The following SAXO1 variants were observed in gnomAD, a reference collection of about 807,000 sequenced individuals.
SAXO1 encodes 4930500O09Rik.
A neutral mutation model predicts 17.5 loss-of-function variants in SAXO1; 21 were observed. The observed-to-expected ratio is 1.20, with a 90% CI of 0.85 to 1.72. SAXO1 has a LOEUF of 1.72. Ranked by LOEUF, SAXO1 falls within the 40% of genes most tolerant of loss-of-function variation. The pLI, the probability that SAXO1 is intolerant of heterozygous loss-of-function variation, is 0.00. For synonymous variants in SAXO1, 274 were observed against 216.5 expected (o/e 1.27, Z -2.33); for missense variants, 843 against 596.0 (o/e 1.41, Z -4.32).
chr9:18,930,842 C>G (rs1309108531), intron 3 of SAXO1, among the ~76,000 whole-genome samples: 1 of 152,148 alleles, frequency 6.6e-6, no homozygotes, highest in Non-Finnish European at 1.5e-5. Flanking sequence ...CATCCAAGAC[C>G]TAGGTTGCCC....
At chr9:18,935,562 G>A (rs1254066457) in intron 3 of SAXO1, among the ~76,000 whole-genome samples, 1 of 152,190 alleles carries the variant, frequency 6.6e-6, no homozygotes, top group East Asian at 1.9e-4. Context: ...GTTGATAGAT[G>A]GGTTTCTTTC....
At chr9:18,930,665 A>G (rs1161572133) in intron 3 of SAXO1, among the ~76,000 whole-genome samples, 1 of 152,018 alleles carries the variant, frequency 6.6e-6, no homozygotes, top group African/African-American at 2.4e-5. Flanking sequence ...GCACCCGGCT[A>G]ATTTTGTATT....
chr9:18,993,835 A>C (rs1256704655), intron 1 of SAXO1, among the ~76,000 whole-genome samples: 1 of 152,196 alleles, frequency 6.6e-6, no homozygotes, highest in Admixed American at 6.5e-5. Context: ...CCAATTTACA[A>C]GAGAAGCAGC....
chr9:18,972,090 G>A (rs1167999363), intron 1 of SAXO1, among the ~76,000 whole-genome samples: 2 of 152,214 alleles, frequency 1.3e-5, no homozygotes, highest in African/African-American at 4.8e-5. Flanking sequence ...CTGGAAGAAT[G>A]CAGAGGATTT....
At chr9:18,986,867 T>A (rs930424603) in intron 1 of SAXO1, among the ~76,000 whole-genome samples, 2 of 152,198 alleles carry the variant, frequency 1.3e-5, no homozygotes, top group African/African-American at 4.8e-5. Context: ...GGGCATTGTT[T>A]TAATAAAATC....
chr9:18,963,095 G>T (rs1363683856), intron 1 of SAXO1, among the ~76,000 whole-genome samples: 1 of 152,176 alleles, frequency 6.6e-6, no homozygotes, highest in Non-Finnish European at 1.5e-5. Flanking sequence ...ATTTATCAAA[G>T]ATCAGATGGT....
chr9:18,975,100 G>C (rs1833086018), intron 1 of SAXO1, among the ~76,000 whole-genome samples: 1 of 152,202 alleles, frequency 6.6e-6, no homozygotes, highest in South Asian at 2.1e-4. Flanking sequence ...GTTGAAGGAT[G>C]AGGCAGCTAT....
At chr9:19,040,801 C>T (rs1836061509) in intron 1 of SAXO1, among the ~76,000 whole-genome samples, 1 of 151,960 alleles carries the variant, frequency 6.6e-6, no homozygotes, top group Non-Finnish European at 1.5e-5. Flanking sequence ...AAGCAGAGAT[C>T]AAATACAAAC....
At chr9:19,023,580 C>G (rs1835340093) in intron 1 of SAXO1, among the ~76,000 whole-genome samples, 1 of 152,178 alleles carries the variant, frequency 6.6e-6, no homozygotes, top group African/African-American at 2.4e-5. Flanking sequence ...GCGCTTGGAA[C>G]TGCAATACTC....
chr9:18,997,077 T>C (rs1271788189), intron 1 of SAXO1, among the ~76,000 whole-genome samples: 1 of 152,070 alleles, frequency 6.6e-6, no homozygotes, highest in East Asian at 1.9e-4. Flanking sequence ...ACCTGGTTCA[T>C]CTCATTGGGA....
At chr9:18,976,727 T>C (rs1833168741) in intron 1 of SAXO1, among the ~76,000 whole-genome samples, 1 of 152,236 alleles carries the variant, frequency 6.6e-6, no homozygotes, top group South Asian at 2.1e-4. Context: ...CGTTGCGTGA[T>C]AAACTTTCAT....
At chr9:19,040,984 GA>G (rs370231779) in intron 1 of SAXO1, among the ~76,000 whole-genome samples, 25,860 of 143,952 alleles carry the variant, frequency 0.18, 3,265 homozygotes, top group African/African-American at 0.37. Flanking sequence ...ATCCAAATTG[GA>G]AAAAAAAAAA....
chr9:19,020,436 C>G (rs540221253), intron 1 of SAXO1, among the ~76,000 whole-genome samples: 1 of 152,104 alleles, frequency 6.6e-6, no homozygotes, highest in East Asian at 1.9e-4. Flanking sequence ...ACTGCAACCT[C>G]CGCCTCCAAG....
At chr9:18,968,742 C>T (rs541340134) in intron 1 of SAXO1, among the ~76,000 whole-genome samples, 69 of 152,034 alleles carry the variant, frequency 4.5e-4, no homozygotes, top group African/African-American at 1.6e-3. Context: ...TACAGGCACA[C>T]GCCACTACAC....
At chr9:19,010,055 C>T (rs1344798759) in intron 1 of SAXO1, among the ~76,000 whole-genome samples, 1 of 152,032 alleles carries the variant, frequency 6.6e-6, no homozygotes, top group African/African-American at 2.4e-5. Flanking sequence ...TCTCGAACTT[C>T]TGGGCTCAAG....
intron 2 of SAXO1, among the ~76,000 whole-genome samples, chr9:18,950,309 G>A (rs539826311): frequency 6.6e-6 from 1 of 151,954 alleles, no homozygotes; most frequent in South Asian, 2.1e-4. Context: ...ATTTTAAGGG[G>A]AGAAAAAAAA....
chr9:19,038,042 C>T (rs542313747), upstream of SAXO1, among the ~76,000 whole-genome samples: 92 of 152,298 alleles, frequency 6.0e-4, no homozygotes, highest in African/African-American at 2.2e-3. Flanking sequence ...AAATGCAAAT[C>T]AAAACCACAA....
At chr9:19,003,920 T>A (rs1834385993) in intron 1 of SAXO1, among the ~76,000 whole-genome samples, 1 of 152,152 alleles carries the variant, frequency 6.6e-6, no homozygotes, top group South Asian at 2.1e-4. Flanking sequence ...AAAGAGCTTC[T>A]GCAAAGCAAA....
chr9:18,935,769 T>A (rs983002778), intron 3 of SAXO1, among the ~76,000 whole-genome samples: 3 of 152,212 alleles, frequency 2.0e-5, no homozygotes, highest in African/African-American at 4.8e-5. Context: ...GAAGTTGTCT[T>A]CCCTGATTTC....
Sources: gnomAD v4.1 joint callset for allele counts (sites outside exome capture counted in the v4.1 genomes callset) on GRCh38, gnomAD v4.1.1 for gene constraint, MANE v1.5 for transcripts, NCBI Gene and HGNC (gene_info 2026-07-23, HGNC 2026-07-21) for gene names.